The following UBASH3A variants were observed in gnomAD, a reference collection of about 807,000 sequenced individuals.
The protein encoded by UBASH3A is ubiquitin associated and SH3 domain containing A.
UBASH3A carries 63 observed loss-of-function variants against 73.5 expected under a neutral mutation model. The ratio of observed to expected loss-of-function variants is 0.86; its 90% CI spans 0.70 to 1.06. UBASH3A has a LOEUF of 1.06. UBASH3A is among the 50% of genes least tolerant of loss of function. UBASH3A has a pLI of 0.00. For synonymous variants in UBASH3A, 363 were observed against 351.1 expected, an observed-to-expected ratio of 1.03 and a Z score of -0.38; for missense variants, 860 against 859.0, an observed-to-expected ratio of 1.00 and a Z score of -0.02.
chr21:42,429,269 A>C (rs142775600), intron 8 of UBASH3A, among the ~76,000 whole-genome samples: 1 of 152,338 alleles, frequency 6.6e-6, no homozygotes, highest in Non-Finnish European at 1.5e-5. Flanking sequence ...GCTGTGAGAG[A>C]ATAAATGTCT....
At chr21:42,429,727 C>T (rs903071181) in intron 8 of UBASH3A, among the ~76,000 whole-genome samples, 1 of 152,148 alleles carries the variant, frequency 6.6e-6, no homozygotes, top group Non-Finnish European at 1.5e-5. Flanking sequence ...GAGAGCAAGA[C>T]AGCAAGACAA....
intron 7 of UBASH3A, among the ~76,000 whole-genome samples, chr21:42,424,291 A>G (rs1020051511): frequency 5.9e-5 from 9 of 152,158 alleles, no homozygotes; most frequent in African/African-American, 2.2e-4. Context: ...TCCAGGTAAG[A>G]GTCTGCAGCT....
In UBASH3A at chr21:42,447,129, G is replaced by A; in HGVS notation, c.1921G>A (p.Val641Met). The change falls in exon 15 of 15, where the codon GTG (valine) becomes ATG (methionine). Residue 641 changes from valine to methionine, a missense_variant. Val to Met is a conservative substitution (Grantham distance 21). Transcript: ENST00000319294. Reference protein sequence around the residue: ...EGKWELVNPPVKTLTHGANAA... With the variant: ...EGKWELVNPPMKTLTHGANAA... Reference sequence around the variant, plus strand: ...AAAATGGGAGTTGGTGAACCCACCGGTGAAGACCCTGACCCACGGGGCGAA... The same window carrying A: ...AAAATGGGAGTTGGTGAACCCACCGATGAAGACCCTGACCCACGGGGCGAA... The A allele has an allele frequency of 6.2e-7, 1 of 1,614,102 alleles. No individual in the cohort carries two copies. The highest frequency in any genetic ancestry group is 8.5e-7 in the Non-Finnish European group (1 of 1,179,968).
Position 42,426,770 on chromosome 21 carries a change from G to T in UBASH3A, c.1120G>T (p.Glu374Ter), listed in dbSNP as rs868753293. Residue 374 changes from glutamate (E) to a stop codon, truncating the protein, a stop_gained, in exon 8 of 15, where the codon GAA becomes TAA. Coordinates refer to ENST00000319294, the MANE Select transcript of UBASH3A (RefSeq NM_018961.4). LOFTEE classifies it high-confidence loss of function. ...DGEASSRCSG[E>*]FLPQTARSLS... ...TGAAGCCAGCAGCAGATGCAGCGGG[G>T]AATTTCTTCCACAAACGGCAAGGAG... 4 of 1,614,074 alleles carry T rather than the reference G, an allele frequency of 2.5e-6. No homozygotes were observed. Among genetic ancestry groups the T allele is most frequent in the Non-Finnish European group, 3.4e-6 (4 of 1,180,022 alleles).
chr21:42,414,447 G>T (rs2053162356), intron 5 of UBASH3A, among the ~76,000 whole-genome samples: 1 of 152,216 alleles, frequency 6.6e-6, no homozygotes, highest in Non-Finnish European at 1.5e-5. Context: ...GAAGACTGAG[G>T]CTGCAAAGGG....
chr21:42,436,998 G>A (rs1422421779), intron 10 of UBASH3A, among the ~76,000 whole-genome samples: 1 of 152,230 alleles, frequency 6.6e-6, no homozygotes, highest in African/African-American at 2.4e-5. Flanking sequence ...TCTCCTTCCA[G>A]ACTCATTCTG....
At chr21:42,405,029 T>C (rs1006955356) in intron 1 of UBASH3A, among the ~76,000 whole-genome samples, 4 of 152,086 alleles carry the variant, frequency 2.6e-5, no homozygotes, top group African/African-American at 9.7e-5. Context: ...CATGGAAAAA[T>C]GTATCAGAAA....
chr21:42,412,857 A>G (rs935676155), intron 3 of UBASH3A, among the ~76,000 whole-genome samples, 167 bp from the exon 4 acceptor site: 1 of 152,230 alleles, frequency 6.6e-6, no homozygotes, highest in South Asian at 2.1e-4. Context: ...GTCCAGGTAT[A>G]GAACAAATCC....
Position 42,418,412 on chromosome 21 carries a change from C to G in UBASH3A, c.849C>G (p.Ala283=), listed in dbSNP as rs200055560. Residue 283 remains alanine, a synonymous_variant, in exon 7 of 15, where the codon GCC becomes GCG. Coordinates refer to ENST00000319294, the MANE Select transcript of UBASH3A (RefSeq NM_018961.4). ...MRFVHYQTLR[A]LFQYKPQNVD... ...TGCCTCTTTTCTAGACCCTGAGAGC[C>G]CTATTCCAGTACAAACCCCAGAACG... The G allele has an allele frequency of 6.2e-7, 1 of 1,613,734 alleles. No homozygotes were observed. The highest frequency in any genetic ancestry group is 2.2e-5 in the East Asian group (1 of 44,852).
chr21:42,405,853 A>G (rs1384336526), intron 1 of UBASH3A, among the ~76,000 whole-genome samples: 1 of 151,898 alleles, frequency 6.6e-6, no homozygotes, highest in East Asian at 1.9e-4. Context: ...GTGCTTTGGA[A>G]AGGGCTGTTT....
chr21:42,427,201 C>G (rs2053452405), intron 8 of UBASH3A, among the ~76,000 whole-genome samples: 1 of 152,222 alleles, frequency 6.6e-6, no homozygotes, highest in South Asian at 2.1e-4. Context: ...GGTCAGCAGA[C>G]TCAGGCCAGG....
intron 5 of UBASH3A, among the ~76,000 whole-genome samples, chr21:42,415,458 G>A (rs12627392): frequency 0.11 from 16,911 of 152,202 alleles, 1,035 homozygotes; most frequent in East Asian, 0.2. Flanking sequence ...CCTCTCACGT[G>A]GGAGACAGCA....
rs550816114 is a variant in UBASH3A, at chr21:42,446,229, G to A, written c.1849-828G>A. ...GACTTTCTTATGCTGGTCACGTGGCGTTCACCCTGCCCCTACCCCAAAATA... is the reference window on the plus strand; with the variant it reads ...GACTTTCTTATGCTGGTCACGTGGCATTCACCCTGCCCCTACCCCAAAATA... On this transcript the variant is annotated intron_variant, in intron 14 of 14. Transcript: ENST00000319294. Among the ~76,000 whole-genome samples, 74 of 152,186 alleles carry A rather than the reference G, an allele frequency of 4.9e-4. 1 individual carries two copies. The South Asian group carries it at 7.7e-3, about 16-fold the overall frequency.
Position 42,405,179 on chromosome 21 carries a change from CT to C in UBASH3A, c.113+1122del, listed in dbSNP as rs1277183609. ...TCCCCAAATCAGGGCTTTGTCGTCA[CT>C]GTTATGTTCAAGCTAAGCCAGGGGC... On this transcript the variant is annotated intron_variant, in intron 1 of 14. Coordinates refer to ENST00000319294, the MANE Select transcript of UBASH3A (RefSeq NM_018961.4). Among the ~76,000 whole-genome samples, 2 of 152,136 alleles carry C rather than the reference CT, an allele frequency of 1.3e-5. 1 individual carries two copies. The highest frequency in any genetic ancestry group is 4.8e-5 in the African/African-American group (2 of 41,428).
intron 1 of UBASH3A, among the ~76,000 whole-genome samples, chr21:42,405,228 G>A: frequency 6.6e-6 from 1 of 152,048 alleles, no homozygotes; most frequent in Non-Finnish European, 1.5e-5. Flanking sequence ...AGTGGGGTCA[G>A]GCATGTGCAG....
At position 42,404,049 on chromosome 21, in the gene UBASH3A, T is replaced by C; in HGVS notation, c.104T>C (p.Val35Ala). Residue 35 changes from valine (V) to alanine (A), a missense_variant, in exon 1 of 15, where the codon GTG (valine) becomes GCG (alanine). Transcript: ENST00000319294. ...LEPLLAMGFP[V>A]HTALKALAAT... ...CCCCTCCTGGCCATGGGCTTCCCGG[T>C]GCACACCGCGTGAGTACTGCCCAGA... 6.6e-7 allele frequency: 1 copy of C among 1,518,402 alleles called. No individual in the cohort carries two copies. The allele number at this position is 1,518,402 out of a possible 1,614,324, so 94.1% of individuals were successfully genotyped here.
At chr21:42,431,078 G>A (rs764959579) in intron 8 of UBASH3A, among the ~76,000 whole-genome samples, 8 of 152,160 alleles carry the variant, frequency 5.3e-5, no homozygotes, top group African/African-American at 7.2e-5. Flanking sequence ...TAGCTGGCTC[G>A]GCCCCTAGCA....
intron 6 of UBASH3A, among the ~76,000 whole-genome samples, chr21:42,416,994 AG>A (rs746598264): frequency 6.6e-6 from 1 of 152,184 alleles, no homozygotes; most frequent in Non-Finnish European, 1.5e-5. Flanking sequence ...GAGCCCTCCA[AG>A]GGAGATATGT....
At chr21:42,442,140 G>T (rs2053756669) in intron 11 of UBASH3A, among the ~76,000 whole-genome samples, 1 of 152,166 alleles carries the variant, frequency 6.6e-6, no homozygotes, top group Non-Finnish European at 1.5e-5. Context: ...GAGCTGTGCT[G>T]GGTGATCAGG....
Sources: gnomAD v4.1 joint callset for allele counts (sites outside exome capture counted in the v4.1 genomes callset) on GRCh38, gnomAD v4.1.1 for gene constraint, MANE v1.5 for transcripts, NCBI Gene and HGNC (gene_info 2026-07-23, HGNC 2026-07-21) for gene names.